Variants in TMEM255A observed in about 807,000 individuals in gnomAD.
The protein encoded by TMEM255A is family with sequence similarity 70, member A.
A neutral mutation model predicts 23.5 loss-of-function variants in TMEM255A; 14 were observed. That is an observed-to-expected ratio of 0.60 (90% CI 0.39 to 0.93). The LOEUF (loss-of-function observed/expected upper bound fraction) is 0.93. Among genes scored for constraint, TMEM255A ranks in the 40% least tolerant of loss-of-function variants. TMEM255A has a pLI of 0.00. For missense variants in TMEM255A, 233 were observed against 261.7 expected (o/e 0.89, Z 0.76); for synonymous variants, 104 against 100.3 (o/e 1.04, Z -0.22).
chrX:120,272,293 G>T (rs1372036748), intron 7 of TMEM255A, among the ~76,000 whole-genome samples: 1 of 111,993 alleles, frequency 8.9e-6, no homozygotes, highest in Non-Finnish European at 1.9e-5. Flanking sequence ...AGTACTGAGG[G>T]TGCCTCTGGG....
chrX:120,298,214 C>A (rs782600595), intron 2 of TMEM255A, among the ~76,000 whole-genome samples: 4 of 111,112 alleles, frequency 3.6e-5, no homozygotes, highest in Non-Finnish European at 7.5e-5. Flanking sequence ...ACATCTAGGA[C>A]AAAGGCTAAA....
chrX:120,288,331 T>C (rs941554929), intron 4 of TMEM255A, among the ~76,000 whole-genome samples: 20 of 112,205 alleles, frequency 1.8e-4, no homozygotes, highest in Non-Finnish European at 2.3e-4. Context: ...GCCTGCTCAA[T>C]GTTCTGAAAG....
At position 120,261,575 on chromosome X, in the gene TMEM255A, T is replaced by TC. The variant is rs782774257; in HGVS notation, c.820-548dup. 1.8e-3 allele frequency among the ~76,000 whole-genome samples: 205 copies of TC among 111,383 alleles called. 1 individual carries two copies. The highest frequency in any genetic ancestry group is 3.1e-3 in the Non-Finnish European group (162 of 53,067). On this transcript the variant is annotated intron_variant, in intron 8 of 8. Coordinates refer to ENST00000371369, the MANE Select transcript of TMEM255A (RefSeq NM_001104544.3). ...TTGCTCGGATCTGGAGTCTTCTGAC[T>TC]CCAAGTCCAACATTTTCTACTCCAC...
chrX:120,276,626 A>T (rs782348768), intron 7 of TMEM255A, among the ~76,000 whole-genome samples: 2 of 111,400 alleles, frequency 1.8e-5, no homozygotes, highest in African/African-American at 6.5e-5. Context: ...AACTGAGAAC[A>T]CCCCTTCCTC....
intron 3 of TMEM255A, 41 bp from the exon 4 acceptor site, chrX:120,291,381 G>A (rs782700596): frequency 9.8e-5 from 106 of 1,080,189 alleles, no homozygotes; most frequent in Middle Eastern, 2.5e-4. Flanking sequence ...TTAGCCTTTC[G>A]CACTTGCTGC....
At position 120,292,442 on chromosome X, in the gene TMEM255A, C is replaced by T. The variant is rs148180905; in HGVS notation, c.265-1102G>A. On this transcript the variant is annotated intron_variant, in intron 3 of 8. Transcript: ENST00000371369. ...GGAGATCACATGGCATCAAGCTGCT[C>T]TCCAGGGAGAAGGAGAAAATCAAAA... is the stretch of plus-strand genomic sequence containing the variant. Among the ~76,000 whole-genome samples the T allele has an allele frequency of 5.2e-3, 573 of 110,755 alleles. 5 individuals are homozygous for T. Among genetic ancestry groups the T allele is most frequent in the African/African-American group, 0.018 (542 of 30,414 alleles).
intron 1 of TMEM255A, among the ~76,000 whole-genome samples, chrX:120,309,509 C>CAGGTGGTT (rs1285855788): frequency 8.8e-6 from 1 of 113,052 alleles, no homozygotes; most frequent in Non-Finnish European, 1.9e-5. Context: ...GCTTGATTTG[C>CAGGTGGTT]AGGTGGTTAG....
chrX:120,260,313 G>T lies in TMEM255A; in HGVS notation c.*557C>A. On this transcript the variant is annotated 3_prime_UTR_variant, in exon 9 of 9. Coordinates refer to ENST00000371369, the MANE Select transcript of TMEM255A (RefSeq NM_001104544.3). The stretch of plus-strand genomic sequence containing the variant: ...AACAGCCATTTTTACAATACTCACA[G>T]AGAAGGAAGGAGTAAGAGATACGGG... 5.1e-6 allele frequency: 2 copies of T among 394,506 alleles called. No homozygotes were observed. Among genetic ancestry groups the T allele is most frequent in the Non-Finnish European group, 6.4e-6 (2 of 310,086 alleles). 32.5% of individuals were successfully genotyped at this position (394,506 alleles called of 1,213,427 possible). A position where few individuals can be genotyped will look rare whatever the true frequency, so the allele number is the denominator to read the frequency against.
At chrX:120,299,301 A>T (rs1472695128) in intron 2 of TMEM255A, among the ~76,000 whole-genome samples, 1 of 111,072 alleles carries the variant, frequency 9.0e-6, no homozygotes, top group East Asian at 2.8e-4. Context: ...GAGCCACTGT[A>T]CCTAGCTAAT....
At chrX:120,274,970 A>T (rs1170629540) in intron 7 of TMEM255A, among the ~76,000 whole-genome samples, 2 of 111,736 alleles carry the variant, frequency 1.8e-5, no homozygotes, top group Non-Finnish European at 3.8e-5. Flanking sequence ...CTGAGGTCCC[A>T]TCTCCTCAAC....
chrX:120,253,547 G>A, the TMEM255A span: 1 of 1,211,533 alleles, frequency 8.3e-7, no homozygotes, highest in Non-Finnish European at 1.1e-6. Context: ...GAAAATTCCG[G>A]GCTCACAAGA....
intron 6 of TMEM255A, among the ~76,000 whole-genome samples, chrX:120,282,727 G>A (rs1281320912): frequency 8.9e-6 from 1 of 112,329 alleles, no homozygotes; most frequent in Non-Finnish European, 1.9e-5. Flanking sequence ...ATGAAGTTCA[G>A]ATTGACAGGA....
chrX:120,263,572 G>A (rs2057694835), intron 8 of TMEM255A, among the ~76,000 whole-genome samples: 1 of 111,674 alleles, frequency 9.0e-6, no homozygotes, highest in Non-Finnish European at 1.9e-5. Flanking sequence ...GTGGGACAGT[G>A]ACTTCACAAA....
At chrX:120,253,931 A>G (rs371820331), downstream of TMEM255A, 19 of 1,208,682 alleles carry the variant, frequency 1.6e-5, no homozygotes, top group African/African-American at 2.6e-4. Flanking sequence ...AGTCTTTTTC[A>G]TTATCTGCCG....
intron 2 of TMEM255A, among the ~76,000 whole-genome samples, chrX:120,299,011 G>A (rs373685641): frequency 4.5e-5 from 5 of 111,965 alleles, no homozygotes; most frequent in African/African-American, 1.3e-4. Flanking sequence ...TTTTGCAAAA[G>A]AGAAGTAATG....
intron 6 of TMEM255A, among the ~76,000 whole-genome samples, chrX:120,279,998 CTTTTTTTTTT>C (rs59428362): frequency 1.8e-4 from 7 of 38,227 alleles, no homozygotes; most frequent in African/African-American, 5.5e-4. Context: ...CCTTTTCTTT[CTTTTTTTTTT>C]TTTTTTTTTT....
Position 120,259,990 on chromosome X carries a change from A to G in TMEM255A, c.*880T>C. The G allele has an allele frequency of 3.5e-6, 1 of 286,687 alleles. No individual in the cohort carries two copies. 23.6% of individuals were successfully genotyped at this position (286,687 alleles called of 1,213,427 possible). ...GTTAAGCACAATATTTGAAGATTAA[A>G]TAGTCACAAAGATTAGTAACAATTC... On this transcript the variant is annotated 3_prime_UTR_variant, in exon 9 of 9. Coordinates refer to ENST00000371369, the MANE Select transcript of TMEM255A (RefSeq NM_001104544.3).
At chrX:120,286,263 G>A (rs140135309) in intron 5 of TMEM255A, among the ~76,000 whole-genome samples, 48 of 112,183 alleles carry the variant, frequency 4.3e-4, no homozygotes, top group East Asian at 3.9e-3. Flanking sequence ...CCCTGAAGCT[G>A]TGCAATGCAG....
intron 5 of TMEM255A, 68 bp downstream of exon 5, chrX:120,287,086 A>G: frequency 1.1e-6 from 1 of 935,982 alleles, no homozygotes; most frequent in South Asian, 1.9e-5. Flanking sequence ...GAGTAAAAGA[A>G]AGGGTGTTTC....
Sources: allele counts gnomAD v4.1 joint callset (sites outside exome capture counted in the v4.1 genomes callset), GRCh38; gene constraint gnomAD v4.1.1; transcripts MANE v1.5; gene names NCBI Gene and HGNC (gene_info 2026-07-23, HGNC 2026-07-21).